The following DNAH10 variants were observed in gnomAD, a reference collection of about 807,000 sequenced individuals.
DNAH10 encodes axonemal beta dynein heavy chain 10.
A neutral mutation model predicts 506.6 loss-of-function variants in DNAH10; 348 were observed. The observed-to-expected ratio is 0.69, with a 90% confidence interval of 0.63 to 0.75. DNAH10 has a LOEUF of 0.75. DNAH10 is among the 30% of genes least tolerant of loss of function. The pLI, the probability that DNAH10 is intolerant of heterozygous loss-of-function variation, is 0.00. For synonymous variants in DNAH10, 2,059 were observed against 2,198.6 expected, an observed-to-expected ratio of 0.94 and a Z score of 1.78; for missense variants, 5,179 against 5,787.1, an observed-to-expected ratio of 0.89 and a Z score of 3.41.
At position 123,830,776 on chromosome 12, in the gene DNAH10, A is replaced by G. The variant is rs969999274; in HGVS notation, c.4545+77A>G. ...AAGAGAAAATAGGGAGAACTCATCTATACTAAAAAAAAAAAAAAATTAGCT... is the reference window on the plus strand; with the variant it reads ...AAGAGAAAATAGGGAGAACTCATCTGTACTAAAAAAAAAAAAAAATTAGCT... On this transcript the variant is annotated intron_variant, in intron 26 of 78. Transcript: ENST00000673944. 1.0e-4 allele frequency: 137 copies of G among 1,317,124 alleles called. No individual in the cohort carries two copies. The Middle Eastern group carries it at 1.7e-3, about 16-fold the overall frequency. The allele number at this position is 1,317,124 out of a possible 1,614,324, so 81.6% of individuals were successfully genotyped here. A position where few individuals can be genotyped will look rare whatever the true frequency, so the allele number is the denominator to read the frequency against.
In DNAH10 at chr12:123,762,672, C is replaced by T; in HGVS notation, c.214+122C>T. The T allele has an allele frequency of 9.8e-7, 1 of 1,024,788 alleles. No individual in the cohort carries two copies. Among genetic ancestry groups the T allele is most frequent in the Non-Finnish European group, 1.3e-6 (1 of 743,614 alleles). 63.5% of individuals were successfully genotyped at this position (1,024,788 alleles called of 1,614,324 possible). ...CGGCCCCGGCCTCAGGTGCTGTCCA[C>T]AAACGCTGCCGCCCGCCACGTGCAG... is the stretch of plus-strand genomic sequence containing the variant. On this transcript the variant is annotated intron_variant, in intron 1 of 78. Coordinates refer to ENST00000673944, the MANE Select transcript of DNAH10 (RefSeq NM_001372106.1). This position sits in a 1 kb window ranked among gnomAD's most constrained non-coding sequence, Gnocchi z 5.0.
intron 15 of DNAH10, 82 bp downstream of exon 15, chr12:123,800,470 C>T: frequency 1.6e-6 from 2 of 1,254,228 alleles, no homozygotes; most frequent in South Asian, 3.0e-5. Context: ...ATTGAGGACC[C>T]CTCCAAAAGC....
chr12:123,853,100 C>A lies in DNAH10; in HGVS notation c.6292-106C>A, dbSNP rs943361241. The A allele has an allele frequency of 1.0e-4, 127 of 1,248,052 alleles. 1 individual carries two copies. Among genetic ancestry groups the A allele is most frequent in the Non-Finnish European group, 1.3e-4 (123 of 943,558 alleles). 77.3% of individuals were successfully genotyped at this position (1,248,052 alleles called of 1,614,324 possible). ...TTTGCTTATTTGTAGAGCAGCTGCA[C>A]TGGAACACCTGCCCCCGTTTTCTTG... On this transcript the variant is annotated intron_variant, in intron 35 of 78. Coordinates refer to ENST00000673944, the MANE Select transcript of DNAH10 (RefSeq NM_001372106.1). This position sits in a 1 kb window ranked among gnomAD's most constrained non-coding sequence, Gnocchi z 4.7.
At chr12:123,929,587 A>T in intron 71 of DNAH10, 77 bp from the exon 72 acceptor site, 1 of 1,572,376 alleles carries the variant, frequency 6.4e-7, no homozygotes, top group Non-Finnish European at 8.6e-7. Context: ...CGTTCCCAGC[A>T]GCCTTTTCAG....
intron 46 of DNAH10, 99 bp from the exon 47 acceptor site, chr12:123,875,132 A>C: frequency 7.2e-7 from 1 of 1,385,784 alleles, no homozygotes; most frequent in Non-Finnish European, 9.7e-7. Context: ...CTGGAGAGTA[A>C]CGGGAAAAAT....
In DNAH10 at chr12:123,823,250, A is replaced by G. The variant is rs566796348; in HGVS notation, c.4179+2492A>G. Among the ~76,000 whole-genome samples the G allele has an allele frequency of 2.6e-5, 4 of 152,292 alleles. No individual in the cohort carries two copies. The East Asian group carries it at 5.8e-4, about 22-fold the overall frequency. Reference sequence around the variant, plus strand: ...TTGTGTCTTGTGTCCATAACCTTTCATCCAGACTGGTGGCTTTACCAACCA... The same window carrying G: ...TTGTGTCTTGTGTCCATAACCTTTCGTCCAGACTGGTGGCTTTACCAACCA... On this transcript the variant is annotated intron_variant, in intron 24 of 78. Coordinates refer to ENST00000673944, the MANE Select transcript of DNAH10 (RefSeq NM_001372106.1).
At chr12:123,839,787 C>CGA (rs1470914652) in intron 29 of DNAH10, among the ~76,000 whole-genome samples, 2 of 151,830 alleles carry the variant, frequency 1.3e-5, no homozygotes, top group African/African-American at 4.8e-5. Context: ...CTCAGCCTCC[C>CGA]GAGTAGCTGG....
chr12:123,832,986 T>A (rs1027939929), intron 26 of DNAH10, 128 bp from the exon 27 acceptor site: 3 of 681,002 alleles, frequency 4.4e-6, no homozygotes, highest in East Asian at 2.7e-5. Flanking sequence ...ATCCCAACTT[T>A]TCAGGAAACA....
intron 6 of DNAH10, 48 bp downstream of exon 6, chr12:123,781,347 G>C (rs1482556216): frequency 3.2e-6 from 5 of 1,546,500 alleles, no homozygotes; most frequent in East Asian, 2.3e-5. Flanking sequence ...TTAATTTACT[G>C]TAGTTGGGAT....
chr12:123,856,410 C>T (rs1951394149), intron 36 of DNAH10, among the ~76,000 whole-genome samples: 1 of 150,630 alleles, frequency 6.6e-6, no homozygotes, highest in Non-Finnish European at 1.5e-5. Flanking sequence ...AATCTCAGTT[C>T]ACTGCAACCT....
At chr12:123,863,427 A>C (rs1484494143) in intron 39 of DNAH10, among the ~76,000 whole-genome samples, 1 of 152,142 alleles carries the variant, frequency 6.6e-6, no homozygotes, top group Non-Finnish European at 1.5e-5. Flanking sequence ...ATAACAAATA[A>C]CTGGGTGGCT....
chr12:123,799,191 G>GCCGTTTT, intron 13 of DNAH10, 55 bp from the exon 14 acceptor site: 1 of 1,502,204 alleles, frequency 6.7e-7, no homozygotes, highest in Non-Finnish European at 9.1e-7. Flanking sequence ...TGTAGAGCGA[G>GCCGTTTT]ATGAAAAATG....
At chr12:123,893,982 A>G (rs1443979653) in intron 53 of DNAH10, among the ~76,000 whole-genome samples, 1 of 150,262 alleles carries the variant, frequency 6.7e-6, no homozygotes, top group African/African-American at 2.4e-5. Flanking sequence ...TCTGCTTTTG[A>G]TGAACTAGAT....
Position 123,928,864 on chromosome 12 carries a change from C to A in DNAH10, c.12306+277C>A, listed in dbSNP as rs58580127. 1.5e-4 allele frequency: 70 copies of A among 476,580 alleles called. 3 individuals carry two copies. The highest frequency in any genetic ancestry group is 8.1e-4 in the African/African-American group (35 of 43,318). The allele number at this position is 476,580 out of a possible 1,614,324, so 29.5% of individuals were successfully genotyped here. A position where few individuals can be genotyped will look rare whatever the true frequency, so the allele number is the denominator to read the frequency against. Reference sequence around the variant, plus strand: ...TTTTCATAAACTTCACGGCCCCCCCCCCCACACACAGCCTGCAGTTCGCTA... The same window carrying A: ...TTTTCATAAACTTCACGGCCCCCCCACCCACACACAGCCTGCAGTTCGCTA... On this transcript the variant is annotated intron_variant, in intron 70 of 78. Coordinates refer to ENST00000673944, the MANE Select transcript of DNAH10 (RefSeq NM_001372106.1). The surrounding 1 kb of genome is among the most constrained non-coding windows in gnomAD (Gnocchi z 4.9).
Position 123,929,720 on chromosome 12 carries a change from A to G in DNAH10, c.12573A>G (p.Pro4191=). ...YLTKAFQQRD[P]RIPWGSLKYL... ...CGAAAGCCTTCCAGCAACGGGACCC[A>G]AGGATCCCGTGGGGCAGCCTCAAGT... The change falls in exon 72 of 79, where the codon CCA becomes CCG. Residue 4191 remains proline, a synonymous_variant. Coordinates refer to ENST00000673944, the MANE Select transcript of DNAH10 (RefSeq NM_001372106.1). The G allele has an allele frequency of 6.2e-7, 1 of 1,613,552 alleles. No homozygotes were observed. The highest frequency in any genetic ancestry group is 8.5e-7 in the Non-Finnish European group (1 of 1,179,760).
rs1181228724 is a variant in DNAH10 at position 123,919,656 on chromosome 12, C to T, written c.11506+707C>T. Among the ~76,000 whole-genome samples the T allele has an allele frequency of 6.6e-6, 1 of 152,186 alleles. No homozygotes were observed. Among genetic ancestry groups the T allele is most frequent in the Non-Finnish European group, 1.5e-5 (1 of 68,026 alleles). On this transcript the variant is annotated intron_variant, in intron 65 of 78. Transcript: ENST00000673944. The surrounding 1 kb of genome is among the most constrained non-coding windows in gnomAD (Gnocchi z 4.9). ...CTAGTCCCTGGCAGTCACCGCTCTG[C>T]CTTCCATCTGTAAGGATTTACTTGC...
rs1953143552 is a variant in DNAH10 at position 123,894,729 on chromosome 12, TCA to T, written c.9280+9_9280+10del. ...GGTCGCAAAGTCCTTTCTAGGTAAG[TCA>T]CAGCTGTTATGGGAACTGCATTATT... On this transcript the variant is annotated splice_region_variant and intron_variant, in intron 54 of 78. Coordinates refer to ENST00000673944, the MANE Select transcript of DNAH10 (RefSeq NM_001372106.1). 6.2e-6 allele frequency: 10 copies of T among 1,612,772 alleles called. No individual in the cohort carries two copies. Among genetic ancestry groups the T allele is most frequent in the Non-Finnish European group, 8.5e-6 (10 of 1,178,882 alleles).
In DNAH10 at chr12:123,919,703, G is replaced by A. The variant is rs1288119378; in HGVS notation, c.11506+754G>A. Among the ~76,000 whole-genome samples the A allele has an allele frequency of 6.6e-6, 1 of 152,182 alleles. No homozygotes were observed. The highest frequency in any genetic ancestry group is 1.5e-5 in the Non-Finnish European group (1 of 68,040). ...TTGCTCTGAACACTTCATGTCAATG[G>A]CATCATACGGTGTGTGACTTCATGA... On this transcript the variant is annotated intron_variant, in intron 65 of 78. Coordinates refer to ENST00000673944, the MANE Select transcript of DNAH10 (RefSeq NM_001372106.1). This position sits in a 1 kb window ranked among gnomAD's most constrained non-coding sequence, Gnocchi z 4.9.
In DNAH10 at chr12:123,804,857, T is replaced by C; in HGVS notation, c.2804T>C (p.Ile935Thr). 6.2e-7 allele frequency: 1 copy of C among 1,611,904 alleles called. No individual in the cohort carries two copies. Among genetic ancestry groups the C allele is most frequent in the Non-Finnish European group, 8.5e-7 (1 of 1,179,396 alleles). ...LPGVKEFFEH[I>T]ERERASDVDH... is the part of the protein sequence containing the mutation. The stretch of plus-strand genomic sequence containing the variant: ...GGCGTGAAGGAATTTTTTGAACACA[T>C]TGAGCGAGAAAGGGCCAGCGACGTG... The change falls in exon 18 of 79, where the codon ATT becomes ACT. Residue 935 changes from isoleucine (I) to threonine (T), a missense_variant. By Grantham distance (89) the Ile-to-Thr change is moderately conservative. Transcript: ENST00000673944.
Sources: allele counts gnomAD v4.1 joint callset (sites outside exome capture counted in the v4.1 genomes callset), GRCh38; gene constraint gnomAD v4.1.1; non-coding constraint Gnocchi (gnomAD v3.1); transcripts MANE v1.5; gene names NCBI Gene and HGNC (gene_info 2026-07-23, HGNC 2026-07-21).